The following ZDHHC3 variants were observed in gnomAD, a reference collection of about 807,000 sequenced individuals.
The protein encoded by ZDHHC3 is palmitoyltransferase ZDHHC3.
In ZDHHC3, 9 loss-of-function variants were observed where a neutral mutation model predicts 30.6. The ratio of observed to expected loss-of-function variants is 0.29; its 90% confidence interval spans 0.18 to 0.51. ZDHHC3 has a LOEUF of 0.51. Ranked by LOEUF, ZDHHC3 falls within the 20% of genes least tolerant of loss-of-function variation. The pLI is 0.97. For missense variants in ZDHHC3, 246 were observed against 384.2 expected, an observed-to-expected ratio of 0.64 and a Z score of 3.01; for synonymous variants, 136 against 140.2, an observed-to-expected ratio of 0.97 and a Z score of 0.21.
chr3:44,952,836 T>C (rs1488421404), intron 2 of ZDHHC3, among the ~76,000 whole-genome samples: 1 of 152,204 alleles, frequency 6.6e-6, no homozygotes, highest in African/African-American at 2.4e-5. Context: ...CAGAACCCAT[T>C]ACTTAGCCTT....
chr3:44,919,266 A>C lies in ZDHHC3; in HGVS notation c.*7423T>G, dbSNP rs1700431398. The C allele has an allele frequency of 8.1e-6, 2 of 246,144 alleles. No individual in the cohort carries two copies. The highest frequency in any genetic ancestry group is 1.3e-5 in the Non-Finnish European group (2 of 154,624). 15.2% of individuals were successfully genotyped at this position (246,144 alleles called of 1,614,324 possible). A position where few individuals can be genotyped will look rare whatever the true frequency, so the allele number is the denominator to read the frequency against. On this transcript the variant is annotated 3_prime_UTR_variant, in exon 7 of 7. Coordinates refer to ENST00000424952, the MANE Select transcript of ZDHHC3 (RefSeq NM_001135179.2). Reference sequence around the variant, plus strand: ...CAATAATGAAACGTATCAACACCATATGCCTCCTGATACGGTGCAACGAGG... The same window carrying C: ...CAATAATGAAACGTATCAACACCATCTGCCTCCTGATACGGTGCAACGAGG...
rs1700120324 is a variant in ZDHHC3, at chr3:44,915,741, G to C, written c.*10948C>G. 6.6e-6 allele frequency: 1 copy of C among 152,268 alleles called. No homozygotes were observed. The highest frequency in any genetic ancestry group is 1.5e-5 in the Non-Finnish European group (1 of 68,086). The allele number at this position is 152,268 out of a possible 1,614,324, so 9.4% of individuals were successfully genotyped here. A position where few individuals can be genotyped will look rare whatever the true frequency, so the allele number is the denominator to read the frequency against. ...CAATGTGCAAGGACATTTCTCAAGG[G>C]CCATGTGGTTTTGCAGACACTGCTG... On this transcript the variant is annotated 3_prime_UTR_variant, in exon 7 of 7. Coordinates refer to ENST00000424952, the MANE Select transcript of ZDHHC3 (RefSeq NM_001135179.2).
rs555697814 is a variant in ZDHHC3 at position 44,918,452 on chromosome 3, C to T, written c.*8237G>A. 1 of 985,404 alleles carries T rather than the reference C, an allele frequency of 1.0e-6. No homozygotes were observed. The highest frequency in any genetic ancestry group is 1.7e-5 in the African/African-American group (1 of 57,354). 61.0% of individuals were successfully genotyped at this position (985,404 alleles called of 1,614,324 possible). A position where few individuals can be genotyped will look rare whatever the true frequency, so the allele number is the denominator to read the frequency against. On this transcript the variant is annotated 3_prime_UTR_variant, in exon 7 of 7. Coordinates refer to ENST00000424952, the MANE Select transcript of ZDHHC3 (RefSeq NM_001135179.2). ...TTCTTTCCTTCCACAAGTGCAATGC[C>T]AGATGATGGGCAGGGGCTAGGCTGA...
chr3:44,928,780 A>T (rs1000807094), intron 6 of ZDHHC3, among the ~76,000 whole-genome samples: 1 of 152,158 alleles, frequency 6.6e-6, no homozygotes, highest in African/African-American at 2.4e-5. Context: ...GATGAGGACC[A>T]GGGCTGGGCC....
At chr3:44,943,222 T>C (rs992133943) in intron 3 of ZDHHC3, among the ~76,000 whole-genome samples, 1 of 151,860 alleles carries the variant, frequency 6.6e-6, no homozygotes, top group Non-Finnish European at 1.5e-5. Flanking sequence ...CAAACTGGAG[T>C]TCCTGTGGAA....
chr3:44,972,075 T>C (rs575644876), intron 1 of ZDHHC3, among the ~76,000 whole-genome samples: 3 of 152,024 alleles, frequency 2.0e-5, no homozygotes, highest in African/African-American at 4.8e-5. Flanking sequence ...ATTTCAAGGG[T>C]GCTGGGCTAA....
At position 44,926,701 on chromosome 3, in the gene ZDHHC3, C is replaced by T; in HGVS notation, c.888G>A (p.Gln296=). 6.2e-7 allele frequency: 1 copy of T among 1,607,698 alleles called. No individual in the cohort carries two copies. The highest frequency in any genetic ancestry group is 8.5e-7 in the Non-Finnish European group (1 of 1,177,876). The change falls in exon 7 of 7, where the codon CAG becomes CAA. Residue 296 remains glutamine (Q), a synonymous_variant. Transcript: ENST00000424952. ...CGGTCGGGGTCCTTCAGACCACATA[C>T]TGGTACGGGTCTGCCTTCCCTTGGT... ...TPDQGKADPY[Q]YVV is the part of the protein sequence containing the mutation.
intron 6 of ZDHHC3, 103 bp from the exon 7 acceptor site, chr3:44,926,950 T>G (rs1343555760): frequency 7.1e-7 from 1 of 1,408,144 alleles, no homozygotes; most frequent in Non-Finnish European, 9.3e-7. Flanking sequence ...TGTTTCCTTT[T>G]TAAAGCAACA....
At position 44,924,563 on chromosome 3, in the gene ZDHHC3, TA is replaced by T. The variant is rs1054058833; in HGVS notation, c.*2125del. 5.5e-5 allele frequency: 54 copies of T among 985,018 alleles called. No individual in the cohort carries two copies. Among genetic ancestry groups the T allele is most frequent in the Non-Finnish European group, 6.1e-5 (51 of 829,802 alleles). The allele number at this position is 985,018 out of a possible 1,614,324, so 61.0% of individuals were successfully genotyped here. A position where few individuals can be genotyped will look rare whatever the true frequency, so the allele number is the denominator to read the frequency against. On this transcript the variant is annotated 3_prime_UTR_variant, in exon 7 of 7. Transcript: ENST00000424952. ...AAGGAGGAGTTTCTATTTTTAGGACTAAAAAAAAGTCAGTGCATCTTCAGCA... is the reference window on the plus strand; with the variant it reads ...AAGGAGGAGTTTCTATTTTTAGGACTAAAAAAAGTCAGTGCATCTTCAGCA...
In ZDHHC3 at chr3:44,920,443, C is replaced by T; in HGVS notation, c.*6246G>A. The T allele has an allele frequency of 4.0e-6, 5 of 1,250,284 alleles. No homozygotes were observed. The highest frequency in any genetic ancestry group is 1.3e-5 in the South Asian group (1 of 75,174). 77.4% of individuals were successfully genotyped at this position (1,250,284 alleles called of 1,614,324 possible). On this transcript the variant is annotated 3_prime_UTR_variant, in exon 7 of 7. Coordinates refer to ENST00000424952, the MANE Select transcript of ZDHHC3 (RefSeq NM_001135179.2). The stretch of plus-strand genomic sequence containing the variant: ...CCAAAAATGACAGACTGGCTGCATC[C>T]ACACTGACTTGGACTCAAAGCCATG...
In ZDHHC3 at chr3:44,976,028, G is replaced by A. The variant is rs1705956131; in HGVS notation, c.-120C>T. 7.6e-6 allele frequency: 3 copies of A among 395,156 alleles called. No homozygotes were observed. The highest frequency in any genetic ancestry group is 4.5e-6 in the Non-Finnish European group (1 of 223,578). The allele number at this position is 395,156 out of a possible 1,614,324, so 24.5% of individuals were successfully genotyped here. A position where few individuals can be genotyped will look rare whatever the true frequency, so the allele number is the denominator to read the frequency against. On this transcript the variant is annotated 5_prime_UTR_variant, in exon 1 of 7. Coordinates refer to ENST00000424952, the MANE Select transcript of ZDHHC3 (RefSeq NM_001135179.2). ...CCTGCAGTCCCCAACCCGGGACCCGGCCTCGGGCTTCGGCGATGGCTCCTC... is the reference window on the plus strand; with the variant it reads ...CCTGCAGTCCCCAACCCGGGACCCGACCTCGGGCTTCGGCGATGGCTCCTC...
intron 2 of ZDHHC3, among the ~76,000 whole-genome samples, chr3:44,955,607 CAT>C (rs1703882988): frequency 1.3e-5 from 2 of 151,976 alleles, no homozygotes; most frequent in Non-Finnish European, 2.9e-5. Context: ...AGATATAAAA[CAT>C]AATCCCATTA....
In ZDHHC3 at chr3:44,925,283, T is replaced by G. The variant is rs1031072484; in HGVS notation, c.*1406A>C. On this transcript the variant is annotated 3_prime_UTR_variant, in exon 7 of 7. Transcript: ENST00000424952. ...GAAAAATCACATGGCTAGATTAACTTTCGCCCTACCCAGGACAGGATTGAA... is the reference window on the plus strand; with the variant it reads ...GAAAAATCACATGGCTAGATTAACTGTCGCCCTACCCAGGACAGGATTGAA... The G allele has an allele frequency of 3.3e-5, 33 of 985,752 alleles. No homozygotes were observed. The highest frequency in any genetic ancestry group is 4.0e-5 in the Non-Finnish European group (33 of 829,952). 61.1% of individuals were successfully genotyped at this position (985,752 alleles called of 1,614,324 possible). A position where few individuals can be genotyped will look rare whatever the true frequency, so the allele number is the denominator to read the frequency against.
chr3:44,918,337 G>A lies in ZDHHC3; in HGVS notation c.*8352C>T, dbSNP rs539134817. ...GGGAGGTCCCTCAGAGGACTGCTGG[G>A]GTGTGGGTGGACAGCAGCGTGGAGG... is the stretch of plus-strand genomic sequence containing the variant. On this transcript the variant is annotated 3_prime_UTR_variant, in exon 7 of 7. Coordinates refer to ENST00000424952, the MANE Select transcript of ZDHHC3 (RefSeq NM_001135179.2). The A allele has an allele frequency of 2.9e-4, 285 of 985,384 alleles. No individual in the cohort carries two copies. In the African/African-American group the frequency reaches 4.8e-3, roughly 17 times the overall value. The allele number at this position is 985,384 out of a possible 1,614,324, so 61.0% of individuals were successfully genotyped here.
chr3:44,973,236 G>T (rs181114465), intron 1 of ZDHHC3, among the ~76,000 whole-genome samples: 71 of 152,290 alleles, frequency 4.7e-4, no homozygotes, highest in Non-Finnish European at 4.4e-5. Flanking sequence ...TCTGGTGAAT[G>T]TAATAAAACC....
chr3:44,921,748 G>A lies in ZDHHC3; in HGVS notation c.*4941C>T, dbSNP rs547654668. The A allele has an allele frequency of 2.9e-4, 277 of 965,008 alleles. No individual in the cohort carries two copies. In the African/African-American group the frequency reaches 4.3e-3, roughly 15 times the overall value. The allele number at this position is 965,008 out of a possible 1,614,324, so 59.8% of individuals were successfully genotyped here. ...GAGGCTTAAAGAAGTTACTGCTCAA[G>A]GTCATATTTTGGTAGTAGGTGCGGT... On this transcript the variant is annotated 3_prime_UTR_variant, in exon 7 of 7. Transcript: ENST00000424952.
intron 2 of ZDHHC3, among the ~76,000 whole-genome samples, chr3:44,948,296 T>C (rs972176451): frequency 6.6e-6 from 1 of 152,074 alleles, no homozygotes; most frequent in Non-Finnish European, 1.5e-5. Flanking sequence ...AGACTGGGTG[T>C]CAGAACCTTT....
At chr3:44,927,722 G>A (rs1271621293) in intron 6 of ZDHHC3, among the ~76,000 whole-genome samples, 1 of 152,238 alleles carries the variant, frequency 6.6e-6, no homozygotes, top group African/African-American at 2.4e-5. Flanking sequence ...TTCTTCAGAT[G>A]GAGCTGGTCA....
chr3:44,948,476 C>T (rs942756316), intron 2 of ZDHHC3, among the ~76,000 whole-genome samples: 3 of 152,170 alleles, frequency 2.0e-5, no homozygotes, highest in Admixed American at 2.0e-4. Flanking sequence ...CAACTCTCTC[C>T]TGAAGGTCTA....
Sources: gnomAD v4.1 joint callset for allele counts (sites outside exome capture counted in the v4.1 genomes callset) on GRCh38, gnomAD v4.1.1 for gene constraint, MANE v1.5 for transcripts, NCBI Gene and HGNC (gene_info 2026-07-23, HGNC 2026-07-21) for gene names.